Variants in ST3GAL2 observed in about 807,000 individuals in gnomAD.
ST3GAL2 encodes CMP-N-acetylneuraminate-beta-galactosamide-alpha-2,3-sialyltransferase 2.
ST3GAL2 carries 16 observed loss-of-function variants against 37.5 expected under a neutral mutation model. The observed-to-expected ratio is 0.43, with a 90% CI of 0.29 to 0.65. ST3GAL2 has a LOEUF of 0.65. Among genes scored for constraint, ST3GAL2 ranks in the 30% least tolerant of loss-of-function variants. The pLI, the probability that ST3GAL2 is intolerant of heterozygous loss-of-function variation, is 0.17. For missense variants in ST3GAL2, 383 were observed against 487.8 expected, an observed-to-expected ratio of 0.79 and a Z score of 2.02; for synonymous variants, 238 against 202.9, an observed-to-expected ratio of 1.17 and a Z score of -1.47.
At chr16:70,431,148 A>G (rs945651760) in intron 1 of ST3GAL2, among the ~76,000 whole-genome samples, 2 of 151,758 alleles carry the variant, frequency 1.3e-5, no homozygotes, top group African/African-American at 4.8e-5. Context: ...GGGCGGGGCA[A>G]TCTCCTGACG....
At chr16:70,421,236 G>A (rs1209347933) in intron 1 of ST3GAL2, among the ~76,000 whole-genome samples, 1 of 152,232 alleles carries the variant, frequency 6.6e-6, no homozygotes, top group Admixed American at 6.5e-5. Context: ...ACTCAGGCAG[G>A]GCCCCTGGTT....
At chr16:70,384,177 A>T (rs1279921542) in intron 4 of ST3GAL2, among the ~76,000 whole-genome samples, 2 of 152,188 alleles carry the variant, frequency 1.3e-5, no homozygotes, top group Non-Finnish European at 2.9e-5. Context: ...TGTTTATAAA[A>T]TACATGGTGA....
At chr16:70,412,508 G>A (rs1597569711) in intron 1 of ST3GAL2, among the ~76,000 whole-genome samples, 3 of 152,126 alleles carry the variant, frequency 2.0e-5, no homozygotes, top group African/African-American at 7.2e-5. Flanking sequence ...GCCGGGCGTG[G>A]TGGCATGTTT....
intron 1 of ST3GAL2, among the ~76,000 whole-genome samples, chr16:70,403,217 C>T (rs572754790): frequency 1.8e-4 from 27 of 151,696 alleles, no homozygotes; most frequent in African/African-American, 6.5e-4. Context: ...AAGGAGGGGG[C>T]CCATGGGGAA....
intron 1 of ST3GAL2, among the ~76,000 whole-genome samples, chr16:70,437,846 C>A (rs895312814): frequency 2.0e-5 from 3 of 152,174 alleles, no homozygotes. Context: ...GAAGGGGTGG[C>A]CAACCAGCTT....
chr16:70,413,439 G>A (rs1407911039), intron 1 of ST3GAL2, among the ~76,000 whole-genome samples: 4 of 150,170 alleles, frequency 2.7e-5, no homozygotes, highest in African/African-American at 9.8e-5. Context: ...AAGCTGGCCG[G>A]GCGCGGTGGC....
intron 2 of ST3GAL2, among the ~76,000 whole-genome samples, chr16:70,397,331 A>G (rs2047524073): frequency 1.3e-5 from 2 of 150,954 alleles, no homozygotes; most frequent in South Asian, 4.3e-4. Context: ...GTGAGCCACC[A>G]TGACCGGCCT....
intron 1 of ST3GAL2, among the ~76,000 whole-genome samples, chr16:70,401,810 T>C (rs147547968): frequency 6.6e-6 from 1 of 151,876 alleles, no homozygotes; most frequent in Non-Finnish European, 1.5e-5. Context: ...CTGGCCAACA[T>C]GGTGAAACCC....
chr16:70,425,996 C>CA (rs1179843325), intron 1 of ST3GAL2, among the ~76,000 whole-genome samples: 1 of 152,172 alleles, frequency 6.6e-6, no homozygotes, highest in African/African-American at 2.4e-5. Flanking sequence ...TGCCCACCAT[C>CA]AGAGTCCCCC....
intron 1 of ST3GAL2, among the ~76,000 whole-genome samples, chr16:70,417,818 G>A (rs1046302103): frequency 3.3e-5 from 5 of 151,988 alleles, no homozygotes; most frequent in African/African-American, 1.2e-4. Flanking sequence ...GTGGCTGGGG[G>A]GGCGGGGGGA....
intron 1 of ST3GAL2, among the ~76,000 whole-genome samples, chr16:70,430,413 C>A (rs75496796): frequency 0.011 from 1,699 of 152,340 alleles, 33 homozygotes; most frequent in African/African-American, 0.039. Flanking sequence ...GAGGAAAATC[C>A]TTCATCAAAC....
rs965360978 is a variant in ST3GAL2 at position 70,398,602 on chromosome 16, A to T, written c.-72T>A. The T allele has an allele frequency of 3.5e-6, 5 of 1,424,128 alleles. No homozygotes were observed. The African/African-American group carries it at 7.1e-5, about 20-fold the overall frequency. The allele number at this position is 1,424,128 out of a possible 1,614,324, so 88.2% of individuals were successfully genotyped here. A position where few individuals can be genotyped will look rare whatever the true frequency, so the allele number is the denominator to read the frequency against. On this transcript the variant is annotated 5_prime_UTR_variant, in exon 2 of 7. Transcript: ENST00000342907. ...CCCGCTGAGGGGCCAGCCACGGCGT[A>T]GCCTGCCTATTCTGGCACCACATGC...
chr16:70,431,999 T>A (rs1038898244), intron 1 of ST3GAL2, among the ~76,000 whole-genome samples: 2 of 151,068 alleles, frequency 1.3e-5, no homozygotes, highest in African/African-American at 2.4e-5. Context: ...TTTTTTAACT[T>A]AGCTGGGCAC....
At chr16:70,391,247 G>T (rs569026203) in intron 3 of ST3GAL2, among the ~76,000 whole-genome samples, 3 of 152,174 alleles carry the variant, frequency 2.0e-5, no homozygotes, top group Non-Finnish European at 4.4e-5. Flanking sequence ...GTGCTTTGGG[G>T]TGGGAGGTCT....
rs752938959 is a variant in ST3GAL2 at position 70,381,659 on chromosome 16, T to C, written c.*30A>G. On this transcript the variant is annotated 3_prime_UTR_variant, in exon 7 of 7. Coordinates refer to ENST00000342907, the MANE Select transcript of ST3GAL2 (RefSeq NM_006927.4). Reference sequence around the variant, plus strand: ...GGCCGGAGCCCCGGTGCCCGATAGATGGGCCGGAAGGGTCGCGGCGAGGCC... The same window carrying C: ...GGCCGGAGCCCCGGTGCCCGATAGACGGGCCGGAAGGGTCGCGGCGAGGCC... 1.2e-6 allele frequency: 2 copies of C among 1,606,516 alleles called. No homozygotes were observed. The highest frequency in any genetic ancestry group is 1.7e-5 in the Admixed American group (1 of 59,730).
intron 1 of ST3GAL2, among the ~76,000 whole-genome samples, chr16:70,415,502 C>T (rs564333980): frequency 5.9e-5 from 9 of 151,492 alleles, no homozygotes; most frequent in South Asian, 4.1e-4. Flanking sequence ...GTAAAGTTAA[C>T]GGACAAACAA....
chr16:70,433,024 T>C (rs919909292), intron 1 of ST3GAL2, among the ~76,000 whole-genome samples: 2 of 152,202 alleles, frequency 1.3e-5, no homozygotes, highest in Admixed American at 6.5e-5. Flanking sequence ...GGATTCCGGG[T>C]GTGCGGTCAG....
At position 70,399,149 on chromosome 16, in the gene ST3GAL2, T is replaced by TG. The variant is rs774106651; in HGVS notation, c.-620dup. 7.5e-6 allele frequency: 3 copies of TG among 399,596 alleles called. No homozygotes were observed. The highest frequency in any genetic ancestry group is 1.3e-5 in the Non-Finnish European group (3 of 226,930). The allele number at this position is 399,596 out of a possible 1,614,324, so 24.8% of individuals were successfully genotyped here. A position where few individuals can be genotyped will look rare whatever the true frequency, so the allele number is the denominator to read the frequency against. On this transcript the variant is annotated 5_prime_UTR_variant, in exon 2 of 7. The change abolishes the stop of an existing upstream ORF in the 5' untranslated region. Coordinates refer to ENST00000342907, the MANE Select transcript of ST3GAL2 (RefSeq NM_006927.4). ...ACAAAAACAGGAAGCTCTGTGAGTG[T>TG]GGGAAAACTCCGCTGCAGAGATCGA... is the stretch of plus-strand genomic sequence containing the variant.
chr16:70,435,465 G>C (rs1423544253), intron 1 of ST3GAL2, among the ~76,000 whole-genome samples: 10 of 152,114 alleles, frequency 6.6e-5, no homozygotes, highest in Non-Finnish European at 1.0e-4. Flanking sequence ...GGGCGTGGTG[G>C]CGCATGCCTG....
Sources: gnomAD v4.1 joint callset for allele counts (sites outside exome capture counted in the v4.1 genomes callset) on GRCh38, gnomAD v4.1.1 for gene constraint, MANE v1.5 for transcripts, NCBI Gene and HGNC (gene_info 2026-07-23, HGNC 2026-07-21) for gene names.